RND3: variants seen among roughly 807,000 people sequenced by gnomAD.
RND3 encodes Rho family GTPase 3.
In RND3, 8 loss-of-function variants were observed where a neutral mutation model predicts 26.5. The ratio of observed to expected loss-of-function variants is 0.30; its 90% CI spans 0.18 to 0.54. RND3 has a LOEUF of 0.54. RND3 is among the 20% of genes least tolerant of loss of function. The pLI is 0.94. For missense variants in RND3, 207 were observed against 302.8 expected, an observed-to-expected ratio of 0.68 and a Z score of 2.35; for synonymous variants, 113 against 113.0, an observed-to-expected ratio of 1.00 and a Z score of 0.00.
intron 4 of RND3, chr2:150,472,014 A>G: frequency 2.5e-6 from 1 of 397,680 alleles, no homozygotes; most frequent in South Asian, 3.1e-5. Context: ...ATCTGTTGCT[A>G]CTGAAAGAGA....
rs781369417 is a variant in RND3 at position 150,486,665 on chromosome 2, C to A, written c.238+29G>T. 6.6e-7 allele frequency: 1 copy of A among 1,523,684 alleles called. No homozygotes were observed. The allele number at this position is 1,523,684 out of a possible 1,614,324, so 94.4% of individuals were successfully genotyped here. A position where few individuals can be genotyped will look rare whatever the true frequency, so the allele number is the denominator to read the frequency against. ...TCCCCCAGCGACTGGAAACCCGCCC[C>A]AAGCGCCACGCGGTCCTCCCACTCT... is the stretch of plus-strand genomic sequence containing the variant. On this transcript the variant is annotated intron_variant, in intron 3 of 5. Transcript: ENST00000263895. This position sits in a 1 kb window ranked among gnomAD's most constrained non-coding sequence, Gnocchi z 4.5.
chr2:150,478,401 CA>C (rs377282962), intron 3 of RND3, among the ~76,000 whole-genome samples: 54 of 145,824 alleles, frequency 3.7e-4, no homozygotes, highest in African/African-American at 1.0e-3. Flanking sequence ...CAACGCATGC[CA>C]AAAAAAAAGG....
chr2:150,474,777 A>G (rs1307389174), intron 4 of RND3, 98 bp downstream of exon 4: 28 of 619,624 alleles, frequency 4.5e-5, no homozygotes, highest in Non-Finnish European at 5.8e-6. Flanking sequence ...ATTGTAAGGC[A>G]GGGAATTGAT....
chr2:150,482,363 C>G (rs1686287794), intron 3 of RND3, among the ~76,000 whole-genome samples: 1 of 152,120 alleles, frequency 6.6e-6, no homozygotes, highest in South Asian at 2.1e-4. Flanking sequence ...CTACAAATTA[C>G]TTCTATGCTT....
intron 3 of RND3, among the ~76,000 whole-genome samples, chr2:150,483,732 A>G (rs1393964340): frequency 6.6e-6 from 1 of 152,222 alleles, no homozygotes; most frequent in Non-Finnish European, 1.5e-5. Flanking sequence ...CTAGATATAA[A>G]CAACAAATCA....
chr2:150,487,175 T>A, intron 2 of RND3, 93 bp downstream of exon 2: 7 of 887,110 alleles, frequency 7.9e-6, no homozygotes, highest in South Asian at 2.6e-5. Context: ...TTTTTTTTTT[T>A]AAGGGAAAAC....
rs1439497878 is a variant in RND3 at position 150,483,025 on chromosome 2, G to T, written c.238+3669C>A. ...AGAGGGCCTGTTTATAGTGGATGCGGGAAAAAAGGAAGAGATGGATGGAGA... is the reference window on the plus strand; with the variant it reads ...AGAGGGCCTGTTTATAGTGGATGCGTGAAAAAAGGAAGAGATGGATGGAGA... On this transcript the variant is annotated intron_variant, in intron 3 of 5. Coordinates refer to ENST00000263895, the MANE Select transcript of RND3 (RefSeq NM_005168.5). 7.9e-5 allele frequency among the ~76,000 whole-genome samples: 12 copies of T among 152,080 alleles called. No individual in the cohort carries two copies. The East Asian group carries it at 2.3e-3, about 29-fold the overall frequency.
chr2:150,481,011 T>C (rs1220533702), intron 3 of RND3, among the ~76,000 whole-genome samples: 3 of 152,252 alleles, frequency 2.0e-5, no homozygotes, highest in Admixed American at 6.5e-5. Flanking sequence ...TCATAAATTC[T>C]TAACCTCTTC....
At chr2:150,477,080 G>A (rs1292923119) in intron 3 of RND3, among the ~76,000 whole-genome samples, 3 of 152,086 alleles carry the variant, frequency 2.0e-5, no homozygotes, top group Non-Finnish European at 4.4e-5. Flanking sequence ...CTCAAAGTCC[G>A]CGAGAGACAA....
In RND3 at chr2:150,473,155, AAAG is replaced by A. The variant is rs1194916402; in HGVS notation, c.349-1397_349-1395del. Among the ~76,000 whole-genome samples the A allele has an allele frequency of 3.3e-5, 5 of 152,174 alleles. No individual in the cohort carries two copies. In the East Asian group the frequency reaches 5.8e-4, roughly 18 times the overall value. The stretch of plus-strand genomic sequence containing the variant: ...GGAAGGTGAACTGGAAAAAAAAAAA[AAAG>A]AAATCCTCCCTACTTCAAGTCATTC... On this transcript the variant is annotated intron_variant, in intron 4 of 5. Transcript: ENST00000263895.
chr2:150,472,083 TAAAG>T, intron 4 of RND3: 1 of 265,846 alleles, frequency 3.8e-6, no homozygotes, highest in South Asian at 4.5e-5. Context: ...GTGTGTCTCT[TAAAG>T]ATAAATGTGT....
intron 3 of RND3, among the ~76,000 whole-genome samples, chr2:150,475,858 T>A (rs939645732): frequency 2.0e-5 from 3 of 152,168 alleles, no homozygotes; most frequent in Non-Finnish European, 4.4e-5. Context: ...AAGTCCAGGG[T>A]ACCCTAAAGG....
At chr2:150,484,750 A>C (rs1013946697) in intron 3 of RND3, among the ~76,000 whole-genome samples, 1 of 152,224 alleles carries the variant, frequency 6.6e-6, no homozygotes, top group Non-Finnish European at 1.5e-5. Flanking sequence ...CAGATGATGA[A>C]AATGAGACCC....
At chr2:150,483,633 G>A in intron 3 of RND3, among the ~76,000 whole-genome samples, 1 of 152,172 alleles carries the variant, frequency 6.6e-6, no homozygotes, top group East Asian at 1.9e-4. Flanking sequence ...AAATAGTCCT[G>A]TCCAGAAATT....
chr2:150,473,697 G>C (rs1318029491), intron 4 of RND3, among the ~76,000 whole-genome samples: 1 of 152,130 alleles, frequency 6.6e-6, no homozygotes, highest in Non-Finnish European at 1.5e-5. Flanking sequence ...GTAATATTTA[G>C]TAGAGACAGA....
chr2:150,485,848 C>T (rs1393765799), intron 3 of RND3, among the ~76,000 whole-genome samples: 1 of 152,132 alleles, frequency 6.6e-6, no homozygotes, highest in Admixed American at 6.5e-5. Flanking sequence ...CATGGGAAAG[C>T]AATAACCCGG....
At chr2:150,482,792 T>C (rs889604643) in intron 3 of RND3, among the ~76,000 whole-genome samples, 7 of 151,984 alleles carry the variant, frequency 4.6e-5, no homozygotes, top group African/African-American at 1.7e-4. Context: ...CTATAAGCCC[T>C]AGGATGTCTG....
In RND3 at chr2:150,474,896, G is replaced by T. The variant is rs150589968; in HGVS notation, c.327C>A (p.Thr109=). 3.1e-6 allele frequency: 5 copies of T among 1,609,134 alleles called. No homozygotes were observed. Among genetic ancestry groups the T allele is most frequent in the Non-Finnish European group, 4.3e-6 (5 of 1,175,644 alleles). ...TTGCCTTTTTGAGGACACTGTCCAG[G>T]GTCTCTGGTCTACTGATGTCAAAGC... ...LICFDISRPE[T]LDSVLKKWKG... is the part of the protein sequence containing the mutation. Residue 109 remains threonine (T), a synonymous_variant, in exon 4 of 6, where the codon ACC becomes ACA. Coordinates refer to ENST00000263895, the MANE Select transcript of RND3 (RefSeq NM_005168.5).
intron 4 of RND3, 114 bp downstream of exon 4, chr2:150,474,761 T>C (rs1558869822): frequency 1.8e-6 from 1 of 548,592 alleles, no homozygotes; most frequent in South Asian, 2.9e-5. Flanking sequence ...TAGTGTTTAA[T>C]TACAAATTGT....
Sources: allele counts gnomAD v4.1 joint callset (sites outside exome capture counted in the v4.1 genomes callset), GRCh38; gene constraint gnomAD v4.1.1; non-coding constraint Gnocchi (gnomAD v3.1); transcripts MANE v1.5; gene names NCBI Gene and HGNC (gene_info 2026-07-23, HGNC 2026-07-21).